The following HNRNPK variants were observed in gnomAD, a reference collection of about 807,000 sequenced individuals.
HNRNPK encodes heterogeneous nuclear ribonucleoprotein K, also known as dC-stretch binding protein.
HNRNPK carries 7 observed loss-of-function variants against 67.0 expected under a neutral mutation model. The ratio of observed to expected loss-of-function variants is 0.10; its 90% CI spans 0.06 to 0.20. HNRNPK has a LOEUF of 0.20. Ranked by LOEUF, HNRNPK falls within the 10% of genes least tolerant of loss-of-function variation. The pLI, the probability that HNRNPK is intolerant of heterozygous loss-of-function variation, is 1.00. For synonymous variants in HNRNPK, 213 were observed against 193.7 expected (o/e 1.10, Z -0.83); for missense variants, 264 against 606.5 (o/e 0.44, Z 5.93).
intron 4 of HNRNPK, 85 bp from the exon 5 acceptor site, chr9:83,977,136 C>T: frequency 4.2e-6 from 4 of 949,188 alleles, no homozygotes; most frequent in South Asian, 1.4e-5. Context: ...GCTAAAAAAT[C>T]CTCTAACCTG....
chr9:83,969,495 AATC>A, intron 16 of HNRNPK, 55 bp from the exon 17 acceptor site: 1 of 1,044,956 alleles, frequency 9.6e-7, no homozygotes, highest in Non-Finnish European at 1.5e-6. Flanking sequence ...GTAACATCTT[AATC>A]AACATCAAGA....
At chr9:83,975,039 C>T (rs558285283) in intron 6 of HNRNPK, among the ~76,000 whole-genome samples, 1 of 152,246 alleles carries the variant, frequency 6.6e-6, no homozygotes, top group South Asian at 2.1e-4. Context: ...CACTAATGGG[C>T]TCTGCAAGAA....
In HNRNPK at chr9:83,973,929, G is replaced by A. The variant is rs1180368977; in HGVS notation, c.375C>T (p.Leu125=). The A allele has an allele frequency of 2.5e-6, 4 of 1,613,816 alleles. No individual in the cohort carries two copies. The highest frequency in any genetic ancestry group is 2.7e-5 in the African/African-American group (2 of 75,004). The change falls in exon 8 of 17, where the codon CTC becomes CTT. Residue 125 remains leucine, a synonymous_variant. Coordinates refer to ENST00000376263, the MANE Select transcript of HNRNPK (RefSeq NM_031263.4). The part of the protein sequence containing the change: ...PSPTATSQLP[L]ESDAVECLNY... ...TTAAGCATTCCACAGCATCAGATTCGAGCGGGAGCTGGCTGGTTGCAGTGG... is the reference window on the plus strand; with the variant it reads ...TTAAGCATTCCACAGCATCAGATTCAAGCGGGAGCTGGCTGGTTGCAGTGG...
chr9:83,976,003 T>A (rs1957049540), intron 5 of HNRNPK, among the ~76,000 whole-genome samples: 1 of 152,146 alleles, frequency 6.6e-6, no homozygotes, highest in Non-Finnish European at 1.5e-5. Context: ...ATGGGGAAAT[T>A]AATAACCCAG....
At position 83,968,338 on chromosome 9, in the gene HNRNPK, T is replaced by A. The variant is rs1156632038; in HGVS notation, c.*1069A>T. 6.6e-6 allele frequency: 1 copy of A among 152,436 alleles called. No homozygotes were observed. Among genetic ancestry groups the A allele is most frequent in the Non-Finnish European group, 1.5e-5 (1 of 68,004 alleles). 9.4% of individuals were successfully genotyped at this position (152,436 alleles called of 1,614,324 possible). On this transcript the variant is annotated 3_prime_UTR_variant, in exon 17 of 17. Coordinates refer to ENST00000376263, the MANE Select transcript of HNRNPK (RefSeq NM_031263.4). The stretch of plus-strand genomic sequence containing the variant: ...AATCCAACATACAACAGAGAAATGG[T>A]ACATCTTTTTCTTTCAATTTGCATA...
chr9:83,970,935 A>T, intron 13 of HNRNPK, 23 bp from the exon 14 acceptor site: 1 of 1,610,110 alleles, frequency 6.2e-7, no homozygotes, highest in Non-Finnish European at 8.5e-7. Flanking sequence ...AGAAAAAAAT[A>T]GAAAATTACT....
chr9:83,973,156 A>G (rs1217494219), intron 9 of HNRNPK, 130 bp downstream of exon 9: 3 of 755,266 alleles, frequency 4.0e-6, no homozygotes, highest in Admixed American at 2.5e-5. Context: ...AGTGCCAGAC[A>G]TTTTTTGTCA....
At chr9:83,971,853 AAACAAC>A in intron 11 of HNRNPK, 23 bp downstream of exon 11, 1 of 1,558,828 alleles carries the variant, frequency 6.4e-7, no homozygotes, top group Non-Finnish European at 8.7e-7. Context: ...GGGGAAGAAA[AAACAAC>A]AACAACAAAA....
chr9:83,976,816 A>T, intron 5 of HNRNPK, 179 bp downstream of exon 5: 1 of 449,704 alleles, frequency 2.2e-6, no homozygotes, highest in East Asian at 3.4e-5. Flanking sequence ...CACCCTGCTC[A>T]ATCTGGGCTT....
intron 15 of HNRNPK, 69 bp downstream of exon 15, chr9:83,970,668 A>G (rs140741394): frequency 0.014 from 15,579 of 1,078,278 alleles, 150 homozygotes; most frequent in Non-Finnish European, 0.019. Context: ...TCTGAATTAA[A>G]AAATATACAG....
rs1957171254 is a variant in HNRNPK, at chr9:83,978,400, A to G, written c.-55T>C. On this transcript the variant is annotated 5_prime_UTR_variant, in exon 2 of 17. Coordinates refer to ENST00000376263, the MANE Select transcript of HNRNPK (RefSeq NM_031263.4). ...GTTATTATATATCCTTGCAGAGCAG[A>G]ACTGAAGCGTTCTGGGTCGGACCAA... 1 of 1,437,884 alleles carries G rather than the reference A, an allele frequency of 7.0e-7. No individual in the cohort carries two copies. The highest frequency in any genetic ancestry group is 2.6e-4 in the Middle Eastern group (1 of 3,868). 89.1% of individuals were successfully genotyped at this position (1,437,884 alleles called of 1,614,324 possible). A position where few individuals can be genotyped will look rare whatever the true frequency, so the allele number is the denominator to read the frequency against.
At chr9:83,974,017 G>A (rs1449578376) in intron 7 of HNRNPK, 44 bp from the exon 8 acceptor site, 2 of 1,324,678 alleles carry the variant, frequency 1.5e-6, no homozygotes, top group Non-Finnish European at 2.2e-6. Flanking sequence ...TGTCTAGCGT[G>A]ATCAGGCTAT....
chr9:83,972,643 G>A (rs1956904065), intron 10 of HNRNPK, among the ~76,000 whole-genome samples: 1 of 152,214 alleles, frequency 6.6e-6, no homozygotes, highest in Admixed American at 6.5e-5. Flanking sequence ...AAAGGCTATA[G>A]AAATACCACC....
At chr9:83,978,153 A>G in intron 3 of HNRNPK, 42 bp downstream of exon 3, 1 of 1,294,212 alleles carries the variant, frequency 7.7e-7, no homozygotes. Flanking sequence ...CAATTTATTA[A>G]CAGGATAAAA....
intron 6 of HNRNPK, among the ~76,000 whole-genome samples, chr9:83,975,001 G>C (rs1957013155): frequency 6.6e-6 from 1 of 152,200 alleles, no homozygotes; most frequent in African/African-American, 2.4e-5. Context: ...TCTGGAGTAA[G>C]GTTATGAATA....
intron 6 of HNRNPK, among the ~76,000 whole-genome samples, 190 bp downstream of exon 6, chr9:83,975,272 T>G (rs747205128): frequency 2.6e-5 from 4 of 152,130 alleles, no homozygotes; most frequent in Admixed American, 6.5e-5. Flanking sequence ...ATAAAATTAG[T>G]GGATCGTTTG....
rs562376322 is a variant in HNRNPK at position 83,968,677 on chromosome 9, A to G, written c.*730T>C. 4 of 152,736 alleles carry G rather than the reference A, an allele frequency of 2.6e-5. No homozygotes were observed. The highest frequency in any genetic ancestry group is 1.3e-4 in the Admixed American group (2 of 15,300). 9.5% of individuals were successfully genotyped at this position (152,736 alleles called of 1,614,324 possible). On this transcript the variant is annotated 3_prime_UTR_variant, in exon 17 of 17. Coordinates refer to ENST00000376263, the MANE Select transcript of HNRNPK (RefSeq NM_031263.4). Reference sequence around the variant, plus strand: ...ACAAACAAAAAATCCCCAGCTTATTATAAGCATGAATATGTATGATGGAAT... The same window carrying G: ...ACAAACAAAAAATCCCCAGCTTATTGTAAGCATGAATATGTATGATGGAAT...
At chr9:83,971,424 C>A (rs1488661452) in intron 12 of HNRNPK, 68 bp from the exon 13 acceptor site, 3 of 1,076,154 alleles carry the variant, frequency 2.8e-6, no homozygotes, top group Non-Finnish European at 4.3e-6. Context: ...TTTAATATGC[C>A]TAATTTGCAT....
Position 83,974,609 on chromosome 9 carries a change from C to A in HNRNPK, c.258-20G>T, listed in dbSNP as rs1956993665. Reference sequence around the variant, plus strand: ...AATATGCTGTCAAACACCACAAATACCAGATAGTACAAAAAAGGTGGAAAA... The same window carrying A: ...AATATGCTGTCAAACACCACAAATAACAGATAGTACAAAAAAGGTGGAAAA... On this transcript the variant is annotated intron_variant, in intron 6 of 16. Coordinates refer to ENST00000376263, the MANE Select transcript of HNRNPK (RefSeq NM_031263.4). 1 of 1,554,568 alleles carries A rather than the reference C, an allele frequency of 6.4e-7. No homozygotes were observed. Among genetic ancestry groups the A allele is most frequent in the Non-Finnish European group, 8.8e-7 (1 of 1,134,748 alleles).
Sources: gnomAD v4.1 joint callset for allele counts (sites outside exome capture counted in the v4.1 genomes callset) on GRCh38, gnomAD v4.1.1 for gene constraint, MANE v1.5 for transcripts, NCBI Gene and HGNC (gene_info 2026-07-23, HGNC 2026-07-21) for gene names.